The following FREM1 variants were observed in gnomAD, a reference collection of about 807,000 sequenced individuals.
The protein encoded by FREM1 is FRAS1-related extracellular matrix protein 1.
In FREM1, 220 loss-of-function variants were observed where a neutral mutation model predicts 210.1. The ratio of observed to expected loss-of-function variants is 1.05; its 90% confidence interval spans 0.94 to 1.17. The LOEUF (loss-of-function observed/expected upper bound fraction) is 1.17, where lower values mean the gene tolerates loss of function less well. Ranked by LOEUF, FREM1 falls within the 50% of genes most tolerant of loss-of-function variation. The probability of loss-of-function intolerance (pLI) is 0.00; values close to 1 mark genes in which losing one functional copy is unlikely to be tolerated. For synonymous variants in FREM1, 1,189 were observed against 980.2 expected (o/e 1.21, Z -3.98); for missense variants, 3,454 against 2,675.5 (o/e 1.29, Z -6.42).
intron 16 of FREM1, among the ~76,000 whole-genome samples, chr9:14,810,491 G>A (rs1005138692): frequency 1.3e-5 from 2 of 152,118 alleles, no homozygotes; most frequent in Non-Finnish European, 2.9e-5. Context: ...TCACTCTGCT[G>A]CCCAGGTTGG....
intron 27 of FREM1, among the ~76,000 whole-genome samples, chr9:14,766,287 A>G (rs1846388184): frequency 6.6e-6 from 1 of 152,226 alleles, no homozygotes. Flanking sequence ...GGATATCAGC[A>G]TTATAAAATA....
chr9:14,822,269 AC>A (rs1232721011), intron 13 of FREM1, among the ~76,000 whole-genome samples: 2 of 152,184 alleles, frequency 1.3e-5, no homozygotes, highest in Non-Finnish European at 2.9e-5. Context: ...ACAGACTAAT[AC>A]ACCCATCAAA....
At chr9:14,905,444 C>A (rs781093962) in intron 1 of FREM1, among the ~76,000 whole-genome samples, 3 of 152,208 alleles carry the variant, frequency 2.0e-5, no homozygotes, top group Non-Finnish European at 4.4e-5. Flanking sequence ...CAAAATGATG[C>A]ATCTCCTTAT....
intron 24 of FREM1, among the ~76,000 whole-genome samples, chr9:14,784,113 G>A (rs888889863): frequency 1.3e-5 from 2 of 152,050 alleles, no homozygotes; most frequent in African/African-American, 2.4e-5. Flanking sequence ...TTAATCGTGT[G>A]GCTTCACCTT....
chr9:14,773,087 A>G (rs1193787752), intron 25 of FREM1, among the ~76,000 whole-genome samples: 2 of 152,282 alleles, frequency 1.3e-5, no homozygotes, highest in East Asian at 3.9e-4. Flanking sequence ...ATTTTTAAAT[A>G]TTGGGTTGCA....
chr9:14,746,293 G>A (rs1842411800), intron 35 of FREM1, 60 bp downstream of exon 35: 2 of 1,233,478 alleles, frequency 1.6e-6, no homozygotes, highest in South Asian at 1.3e-5. Context: ...CCGCTTCCAT[G>A]AGCAAATAGA....
chr9:14,832,069 C>A (rs1823669458), intron 10 of FREM1, among the ~76,000 whole-genome samples: 2 of 152,348 alleles, frequency 1.3e-5, no homozygotes, highest in African/African-American at 4.8e-5. Flanking sequence ...TCCCCTGGAA[C>A]ATATTTTGAA....
intron 1 of FREM1, among the ~76,000 whole-genome samples, chr9:14,878,716 A>C (rs938421581): frequency 1.3e-5 from 2 of 152,188 alleles, no homozygotes; most frequent in African/African-American, 4.8e-5. Flanking sequence ...TTACTCATGG[A>C]TTTAACCCTA....
At chr9:14,804,823 AT>A (rs1818060829) in intron 19 of FREM1, 132 bp downstream of exon 19, 4 of 598,570 alleles carry the variant, frequency 6.7e-6, no homozygotes, top group Admixed American at 2.9e-5. Flanking sequence ...AAATGATTGC[AT>A]TACATAACAT....
chr9:14,797,362 G>A (rs1056619988), intron 21 of FREM1, 136 bp downstream of exon 21: 1 of 573,920 alleles, frequency 1.7e-6, no homozygotes, highest in African/African-American at 1.9e-5. Context: ...CCTCATGCCT[G>A]AGTGGCAGGG....
In FREM1 at chr9:14,848,787, G is replaced by A. The variant is rs1489666547; in HGVS notation, c.1153-14C>T. On this transcript the variant is annotated splice_polypyrimidine_tract_variant and intron_variant, in intron 6 of 36. Transcript: ENST00000380880. ...CTCCAATTCTACCTGTAAACAAACAGAGGCAAAGGAGCCACACACTGAAGC... is the reference window on the plus strand; with the variant it reads ...CTCCAATTCTACCTGTAAACAAACAAAGGCAAAGGAGCCACACACTGAAGC... 1.3e-6 allele frequency: 2 copies of A among 1,499,272 alleles called. No individual in the cohort carries two copies. Among genetic ancestry groups the A allele is most frequent in the African/African-American group, 2.8e-5 (2 of 72,546 alleles). The allele number at this position is 1,499,272 out of a possible 1,614,324, so 92.9% of individuals were successfully genotyped here. A position where few individuals can be genotyped will look rare whatever the true frequency, so the allele number is the denominator to read the frequency against.
chr9:14,842,061 A>G (rs1038520376), intron 9 of FREM1, among the ~76,000 whole-genome samples: 5 of 152,228 alleles, frequency 3.3e-5, no homozygotes, highest in African/African-American at 1.2e-4. Flanking sequence ...TTAATTTTTC[A>G]TAGTGTAATG....
At chr9:14,789,696 A>T (rs1279388968) in intron 22 of FREM1, among the ~76,000 whole-genome samples, 1 of 152,234 alleles carries the variant, frequency 6.6e-6, no homozygotes, top group African/African-American at 2.4e-5. Flanking sequence ...CAAAAAATAT[A>T]AACTGCAAAT....
chr9:14,805,189 A>G, intron 18 of FREM1, 37 bp from the exon 19 acceptor site: 1 of 1,355,536 alleles, frequency 7.4e-7, no homozygotes, highest in Non-Finnish European at 9.8e-7. Context: ...AAATAAAAAA[A>G]AAATTTTTCC....
At chr9:14,896,892 CA>C in intron 1 of FREM1, among the ~76,000 whole-genome samples, 1 of 152,308 alleles carries the variant, frequency 6.6e-6, no homozygotes, top group South Asian at 2.1e-4. Context: ...CATTGCTCCT[CA>C]AGCTGTGAGG....
intron 29 of FREM1, among the ~76,000 whole-genome samples, chr9:14,752,510 A>G (rs2132099830): frequency 6.6e-6 from 1 of 152,296 alleles, no homozygotes; most frequent in East Asian, 1.9e-4. Context: ...GCAAGAGGGA[A>G]GGGTCTTGAA....
intron 8 of FREM1, among the ~76,000 whole-genome samples, chr9:14,845,505 A>G (rs1297239405): frequency 1.3e-5 from 2 of 152,110 alleles, no homozygotes; most frequent in Admixed American, 6.5e-5. Flanking sequence ...GAGTTTTACC[A>G]TATTGGTCAG....
chr9:14,898,267 G>A (rs921191822), intron 1 of FREM1, among the ~76,000 whole-genome samples: 1 of 152,212 alleles, frequency 6.6e-6, no homozygotes, highest in Admixed American at 6.5e-5. Flanking sequence ...CTAGTTACAT[G>A]TGATACTATC....
intron 10 of FREM1, among the ~76,000 whole-genome samples, chr9:14,834,174 T>G (rs12555189): frequency 0.19 from 29,073 of 152,080 alleles, 3,052 homozygotes; most frequent in Admixed American, 0.27. Flanking sequence ...AGCACGCTCT[T>G]AGCCACCTGG....
Sources: gnomAD v4.1 joint callset for allele counts (sites outside exome capture counted in the v4.1 genomes callset) on GRCh38, gnomAD v4.1.1 for gene constraint, MANE v1.5 for transcripts, NCBI Gene and HGNC (gene_info 2026-07-23, HGNC 2026-07-21) for gene names.